Variants in TRPC6 observed in about 807,000 individuals in gnomAD.
TRPC6 encodes the protein transient receptor potential cation channel subfamily C member 6, also known as short transient receptor potential channel 6.
Under a neutral mutation model 90.7 loss-of-function variants are expected in TRPC6, and 55 were observed. The observed-to-expected ratio is 0.61, with a 90% CI of 0.49 to 0.76. TRPC6 has a LOEUF of 0.76. Ranked by LOEUF, TRPC6 falls within the 30% of genes least tolerant of loss-of-function variation. The probability of loss-of-function intolerance (pLI) is 0.00; values close to 1 mark genes in which losing one functional copy is unlikely to be tolerated. For synonymous variants in TRPC6, 393 were observed against 393.0 expected (o/e 1.00, Z 0.00); for missense variants, 989 against 1,122.7 (o/e 0.88, Z 1.70).
intron 1 of TRPC6, among the ~76,000 whole-genome samples, chr11:101,505,609 C>A (rs1860243654): frequency 6.6e-6 from 1 of 152,134 alleles, no homozygotes; most frequent in African/African-American, 2.4e-5. Flanking sequence ...AAAATCACTG[C>A]AGACTGGAGA....
chr11:101,543,941 C>A (rs542856562), intron 1 of TRPC6, among the ~76,000 whole-genome samples: 4 of 152,262 alleles, frequency 2.6e-5, no homozygotes, highest in South Asian at 2.1e-4. Flanking sequence ...TCAAAGTGAA[C>A]AGGCAAACTA....
In TRPC6 at chr11:101,471,320, T is replaced by C. The variant is rs1653754877; in HGVS notation, c.2272A>G (p.Arg758Gly). The change falls in exon 9 of 13, where the codon AGA becomes GGA. Residue 758 changes from arginine to glycine, a missense_variant. Around this residue, in one of 4 missense-constraint regions of TRPC6, gnomAD observed 191 missense variants for 196.7 expected, o/e 0.97. Transcript: ENST00000344327. ...KLWFSYFEEG[R>G]TLPVPFNLVP... ...AGATTGAAGGGTACAGGAAGTGTTC[T>C]GCCCTCCTCAAAGTAGGAAAACCAG... is the stretch of plus-strand genomic sequence containing the variant. 1 of 1,613,888 alleles carries C rather than the reference T, an allele frequency of 6.2e-7. No individual in the cohort carries two copies. The highest frequency in any genetic ancestry group is 1.3e-5 in the African/African-American group (1 of 74,926).
At chr11:101,506,990 A>ATC (rs1188785537) in intron 1 of TRPC6, among the ~76,000 whole-genome samples, 1 of 137,814 alleles carries the variant, frequency 7.3e-6, no homozygotes, top group Admixed American at 7.9e-5. Context: ...ACCTTCACGT[A>ATC]TCTCTCTCTC....
chr11:101,518,417 C>T (rs1396397554), intron 1 of TRPC6, among the ~76,000 whole-genome samples: 1 of 152,078 alleles, frequency 6.6e-6, no homozygotes, highest in Non-Finnish European at 1.5e-5. Context: ...AGAAGACATA[C>T]AAATTGCAAA....
chr11:101,539,286 T>C (rs927370205), intron 1 of TRPC6, among the ~76,000 whole-genome samples: 1 of 152,224 alleles, frequency 6.6e-6, no homozygotes, highest in African/African-American at 2.4e-5. Flanking sequence ...ACTGCTCTCA[T>C]GTTTAGAATT....
intron 10 of TRPC6, chr11:101,455,464 C>T (rs1858862034): frequency 4.5e-6 from 1 of 222,610 alleles, no homozygotes; most frequent in Admixed American, 5.3e-5. Context: ...GATGGGGGAT[C>T]AACAGTGCCA....
rs1259674212 is a variant in TRPC6, at chr11:101,483,410, ATATT to A, written c.1294-249_1294-246del. On this transcript the variant is annotated intron_variant, in intron 4 of 12. Coordinates refer to ENST00000344327, the MANE Select transcript of TRPC6 (RefSeq NM_004621.6). ...AATACATGTATTTTTCTAATAAAGG[ATATT>A]TAAATTCTTAAAATATATAATATCG... Among the ~76,000 whole-genome samples, 8 of 152,186 alleles carry A rather than the reference ATATT, an allele frequency of 5.3e-5. No individual in the cohort carries two copies. In the South Asian group the frequency reaches 8.3e-4, roughly 16 times the overall value.
intron 1 of TRPC6, among the ~76,000 whole-genome samples, chr11:101,571,782 T>C (rs1303352683): frequency 6.6e-6 from 1 of 152,204 alleles, no homozygotes; most frequent in Non-Finnish European, 1.5e-5. Flanking sequence ...GGATTCCCTA[T>C]TTAATAAATG....
In TRPC6 at chr11:101,583,509, G is replaced by T; in HGVS notation, c.-6C>A. 6.8e-7 allele frequency: 1 copy of T among 1,473,328 alleles called. No homozygotes were observed. 91.3% of individuals were successfully genotyped at this position (1,473,328 alleles called of 1,614,324 possible). On this transcript the variant is annotated 5_prime_UTR_variant, in exon 1 of 13. Transcript: ENST00000344327. ...AACGCCGGGCTCTGGCTCATGGCGGGAACGCCCGACTGGCCTGGGCCCCGC... is the reference window on the plus strand; with the variant it reads ...AACGCCGGGCTCTGGCTCATGGCGGTAACGCCCGACTGGCCTGGGCCCCGC...
intron 1 of TRPC6, among the ~76,000 whole-genome samples, chr11:101,520,906 G>A: frequency 6.6e-6 from 1 of 152,134 alleles, no homozygotes; most frequent in Admixed American, 6.5e-5. Context: ...GATGTAGCCT[G>A]GCAGCTTCTA....
At position 101,559,482 on chromosome 11, in the gene TRPC6, A is replaced by G. The variant is rs191401720; in HGVS notation, c.170+23852T>C. On this transcript the variant is annotated intron_variant, in intron 1 of 12. Coordinates refer to ENST00000344327, the MANE Select transcript of TRPC6 (RefSeq NM_004621.6). ...GGTTTTAACAAAACAAATAATGATCATGACATATCATGAATACACCTCTAA... is the reference window on the plus strand; with the variant it reads ...GGTTTTAACAAAACAAATAATGATCGTGACATATCATGAATACACCTCTAA... Among the ~76,000 whole-genome samples, 440 of 152,270 alleles carry G rather than the reference A, an allele frequency of 2.9e-3. 3 individuals are homozygous for G. Among genetic ancestry groups the G allele is most frequent in the African/African-American group, 0.01 (423 of 41,550 alleles).
intron 1 of TRPC6, among the ~76,000 whole-genome samples, chr11:101,519,237 G>C (rs1860594361): frequency 6.6e-6 from 1 of 152,054 alleles, no homozygotes; most frequent in Non-Finnish European, 1.5e-5. Context: ...TGAGGGGATG[G>C]ATACCCCATT....
intron 12 of TRPC6, 139 bp from the exon 13 acceptor site, chr11:101,453,245 T>C: frequency 1.1e-6 from 1 of 871,046 alleles, no homozygotes; most frequent in Non-Finnish European, 1.8e-6. Flanking sequence ...AACTTCCTAA[T>C]TGAGCAGGTT....
At chr11:101,461,860 A>G (rs554312665) in intron 10 of TRPC6, among the ~76,000 whole-genome samples, 91 of 152,318 alleles carry the variant, frequency 6.0e-4, no homozygotes, top group African/African-American at 2.1e-3. Context: ...CATGACCAAC[A>G]TGATTTCACC....
At position 101,530,032 on chromosome 11, in the gene TRPC6, G is replaced by A. The variant is rs1482483794; in HGVS notation, c.171-25234C>T. Among the ~76,000 whole-genome samples, 3 of 152,132 alleles carry A rather than the reference G, an allele frequency of 2.0e-5. No homozygotes were observed. The East Asian group carries it at 5.8e-4, about 29-fold the overall frequency. ...ATGCTCACCCATGCCTAAAGTGACAGGTCCACCACCCACAGGCCTGGCAGC... is the reference window on the plus strand; with the variant it reads ...ATGCTCACCCATGCCTAAAGTGACAAGTCCACCACCCACAGGCCTGGCAGC... On this transcript the variant is annotated intron_variant, in intron 1 of 12. Transcript: ENST00000344327.
chr11:101,491,570 AT>A lies in TRPC6; in HGVS notation c.1113del (p.Lys371AsnfsTer4). 2 of 1,613,972 alleles carry A rather than the reference AT, an allele frequency of 1.2e-6. No homozygotes were observed. Among genetic ancestry groups the A allele is most frequent in the Non-Finnish European group, 1.7e-6 (2 of 1,179,924 alleles). On this transcript the variant is annotated frameshift_variant, in exon 3 of 13. Transcript: ENST00000344327. LOFTEE classifies it high-confidence loss of function. Reference protein sequence around the residue: ...PNLSRLKLAIKYEVKKFVAHP... With the variant: ...PNLSRLKLAIXYEVKKFVAHP... ...CCTGACCTTACTTTTTTTACTTCAT[AT>A]TTAATGGCAAGTTTTAAACGGCTGA...
intron 1 of TRPC6, among the ~76,000 whole-genome samples, chr11:101,571,533 T>C (rs916553194): frequency 2.0e-5 from 3 of 152,142 alleles, no homozygotes; most frequent in African/African-American, 7.2e-5. Flanking sequence ...AAACTTCATA[T>C]GGAACCAAAA....
At chr11:101,565,570 A>AT (rs1861809897) in intron 1 of TRPC6, among the ~76,000 whole-genome samples, 1 of 151,994 alleles carries the variant, frequency 6.6e-6, no homozygotes, top group African/African-American at 2.4e-5. Flanking sequence ...TGGAAGGGGA[A>AT]TTTTTTTAAT....
intron 10 of TRPC6, among the ~76,000 whole-genome samples, chr11:101,461,698 C>T (rs893607304): frequency 5.3e-5 from 8 of 152,186 alleles, no homozygotes; most frequent in African/African-American, 1.4e-4. Flanking sequence ...TGTACATTCA[C>T]GCATTCTTTC....
Sources: gnomAD v4.1 joint callset for allele counts (sites outside exome capture counted in the v4.1 genomes callset) on GRCh38, gnomAD v4.1.1 for gene constraint, gnomAD v4.1.1 regional missense constraint, MANE v1.5 for transcripts, NCBI Gene and HGNC (gene_info 2026-07-23, HGNC 2026-07-21) for gene names.